The following DIO2 variants were observed in gnomAD, a reference collection of about 807,000 sequenced individuals.
DIO2 encodes the protein type II iodothyronine deiodinase.
In DIO2, 19 loss-of-function variants were observed where a neutral mutation model predicts 21.4. The observed-to-expected ratio is 0.89, with a 90% CI of 0.62 to 1.30. DIO2 has a LOEUF of 1.30. Ranked by LOEUF, DIO2 falls within the 50% of genes most tolerant of loss-of-function variation. The pLI, the probability that DIO2 is intolerant of heterozygous loss-of-function variation, is 0.00. For missense variants in DIO2, 302 were observed against 338.1 expected, an observed-to-expected ratio of 0.89 and a Z score of 0.84; for synonymous variants, 122 against 132.9, an observed-to-expected ratio of 0.92 and a Z score of 0.57.
intron 2 of DIO2, among the ~76,000 whole-genome samples, chr14:80,223,658 A>G (rs1335214755): frequency 3.3e-5 from 5 of 152,204 alleles, no homozygotes; most frequent in Admixed American, 6.5e-5. Context: ...GAAAAAGTGA[A>G]TTATACAATT....
intron 1 of DIO2, among the ~76,000 whole-genome samples, chr14:80,204,380 T>C (rs1887868946): frequency 6.6e-6 from 1 of 152,154 alleles, no homozygotes; most frequent in African/African-American, 2.4e-5. Context: ...TATAAAATAT[T>C]GGGGCAGAAG....
rs1012688111 is a variant in DIO2, at chr14:80,198,163, G to C, written c.*4526C>G. The stretch of plus-strand genomic sequence containing the variant: ...TTTTGAGGGGAGGGGGAGAAGTGGA[G>C]GGTTTGAGCCAAAATAGTGACTTCA... On this transcript the variant is annotated 3_prime_UTR_variant, in exon 2 of 2. Transcript: ENST00000438257. 2 of 152,586 alleles carry C rather than the reference G, an allele frequency of 1.3e-5. No individual in the cohort carries two copies. The highest frequency in any genetic ancestry group is 2.9e-5 in the Non-Finnish European group (2 of 68,064). 9.5% of individuals were successfully genotyped at this position (152,586 alleles called of 1,614,324 possible).
intron 1 of DIO2, chr14:80,206,220 C>T (rs149927989): frequency 2.1e-5 from 31 of 1,470,980 alleles, no homozygotes; most frequent in Middle Eastern, 1.9e-4. Flanking sequence ...GAAGGAAAAA[C>T]ACACACCCAC....
intron 1 of DIO2, 136 bp downstream of exon 1, chr14:80,211,115 C>T (rs1046054729): frequency 5.2e-5 from 40 of 763,834 alleles, no homozygotes; most frequent in Non-Finnish European, 7.0e-5. Flanking sequence ...GGAAAGTAAA[C>T]TTAGAGGCTC....
intron 2 of DIO2, among the ~76,000 whole-genome samples, chr14:80,223,023 A>C (rs1230464400): frequency 6.6e-6 from 1 of 151,864 alleles, no homozygotes; most frequent in Non-Finnish European, 1.5e-5. Flanking sequence ...CACCATGCCT[A>C]GCAAATTATT....
At chr14:80,211,191 C>G (rs931749612) in intron 1 of DIO2, 60 bp downstream of exon 1, 1 of 1,517,984 alleles carries the variant, frequency 6.6e-7, no homozygotes, top group African/African-American at 1.4e-5. Flanking sequence ...CCTCTGGTCC[C>G]CAGCATATGA....
chr14:80,205,521 C>T, intron 1 of DIO2: 1 of 1,031,614 alleles, frequency 9.7e-7, no homozygotes, highest in Non-Finnish European at 1.3e-6. Flanking sequence ...CCGAGCAGAC[C>T]TGTTGATCCT....
At chr14:80,203,416 G>T in intron 1 of DIO2, 128 bp from the exon 2 acceptor site, 1 of 1,134,404 alleles carries the variant, frequency 8.8e-7, no homozygotes, top group Non-Finnish European at 1.2e-6. Context: ...TTCCTTCAGA[G>T]CATTTGGTAA....
rs201642325 is a variant in DIO2, at chr14:80,225,235, T to G, written c.-277-8498A>C. On this transcript the variant is annotated intron_variant, in intron 2 of 4. Transcript: ENST00000553594. ...AATCCAATCAGGTTGACACTCAGTATCTACCATCACAAATCCACCCCTTGC... is the reference window on the plus strand; with the variant it reads ...AATCCAATCAGGTTGACACTCAGTAGCTACCATCACAAATCCACCCCTTGC... Among the ~76,000 whole-genome samples the G allele has an allele frequency of 5.3e-5, 8 of 152,112 alleles. No individual in the cohort carries two copies. In the East Asian group the frequency reaches 1.4e-3, roughly 26 times the overall value.
At chr14:80,210,388 C>T (rs1274080939) in intron 1 of DIO2, among the ~76,000 whole-genome samples, 7 of 152,180 alleles carry the variant, frequency 4.6e-5, no homozygotes, top group African/African-American at 1.7e-4. Context: ...AAGATCACTA[C>T]CTCTGATTTT....
chr14:80,205,885 T>A (rs1594874373), intron 1 of DIO2: 1 of 400,974 alleles, frequency 2.5e-6, no homozygotes, highest in East Asian at 1.1e-4. Flanking sequence ...TGAAGAATTT[T>A]ACACTTAATG....
At chr14:80,211,189 C>T in intron 1 of DIO2, 62 bp downstream of exon 1, 1 of 1,508,600 alleles carries the variant, frequency 6.6e-7, no homozygotes, top group Non-Finnish European at 9.0e-7. Context: ...GGCCTCTGGT[C>T]CCCAGCATAT....
chr14:80,227,940 A>G (rs968551095), intron 2 of DIO2, among the ~76,000 whole-genome samples: 2 of 152,222 alleles, frequency 1.3e-5, no homozygotes, highest in African/African-American at 4.8e-5. Context: ...CTTAGAAAGA[A>G]TATCTCTACA....
At chr14:80,221,838 CTAAA>C in intron 2 of DIO2, among the ~76,000 whole-genome samples, 1 of 152,200 alleles carries the variant, frequency 6.6e-6, no homozygotes, top group East Asian at 1.9e-4. Context: ...ACCTTACTCT[CTAAA>C]GTCATTCCCC....
intron 2 of DIO2, among the ~76,000 whole-genome samples, chr14:80,218,963 G>A (rs1888410341): frequency 6.6e-6 from 1 of 152,158 alleles, no homozygotes; most frequent in African/African-American, 2.4e-5. Flanking sequence ...GGGCCACAGA[G>A]TGAGACTCTG....
rs926903151 is a variant in DIO2, at chr14:80,201,072, G to A, written c.*1617C>T. 6.6e-6 allele frequency: 1 copy of A among 151,490 alleles called. No individual in the cohort carries two copies. The highest frequency in any genetic ancestry group is 6.6e-5 in the Admixed American group (1 of 15,208). 9.4% of individuals were successfully genotyped at this position (151,490 alleles called of 1,614,324 possible). A position where few individuals can be genotyped will look rare whatever the true frequency, so the allele number is the denominator to read the frequency against. On this transcript the variant is annotated 3_prime_UTR_variant, in exon 2 of 2. Coordinates refer to ENST00000438257, the MANE Select transcript of DIO2 (RefSeq NM_013989.5). ...AGAAATTATGATACGAAAGTGGTTG[G>A]TCCATTCTTTTGGGAGCTATAATCT...
At chr14:80,210,670 T>C (rs1888142630) in intron 1 of DIO2, among the ~76,000 whole-genome samples, 2 of 152,086 alleles carry the variant, frequency 1.3e-5, no homozygotes, top group African/African-American at 4.8e-5. Context: ...TGAATCAATG[T>C]AGAGGAGGTG....
chr14:80,205,782 A>T, intron 1 of DIO2: 1 of 1,167,886 alleles, frequency 8.6e-7, no homozygotes, highest in Non-Finnish European at 1.1e-6. Context: ...AATGCTCTTT[A>T]TGGGGGGGAT....
rs1887653495 is a variant in DIO2, at chr14:80,200,048, A to G, written c.*2641T>C. 6.6e-6 allele frequency: 1 copy of G among 152,642 alleles called. No homozygotes were observed. The highest frequency in any genetic ancestry group is 1.9e-4 in the East Asian group (1 of 5,196). 9.5% of individuals were successfully genotyped at this position (152,642 alleles called of 1,614,324 possible). ...AAAATAATGAGTTCTTGTTAATTTCATAAAAGAATACATCACAAGAAATCA... is the reference window on the plus strand; with the variant it reads ...AAAATAATGAGTTCTTGTTAATTTCGTAAAAGAATACATCACAAGAAATCA... On this transcript the variant is annotated 3_prime_UTR_variant, in exon 2 of 2. Coordinates refer to ENST00000438257, the MANE Select transcript of DIO2 (RefSeq NM_013989.5).
Sources: gnomAD v4.1 joint callset for allele counts (sites outside exome capture counted in the v4.1 genomes callset) on GRCh38, gnomAD v4.1.1 for gene constraint, MANE v1.5 for transcripts, NCBI Gene and HGNC (gene_info 2026-07-23, HGNC 2026-07-21) for gene names.